COPB2: variants seen among roughly 807,000 people sequenced by gnomAD.
The protein encoded by COPB2 is coatomer subunit beta'.
Under a neutral mutation model 120.8 loss-of-function variants are expected in COPB2, and 16 were observed. The observed-to-expected ratio is 0.13, with a 90% CI of 0.09 to 0.20. The LOEUF is 0.20. Ranked by LOEUF, COPB2 falls within the 10% of genes least tolerant of loss-of-function variation. The pLI is 1.00. For missense variants in COPB2, 794 were observed against 1,076.5 expected, an observed-to-expected ratio of 0.74 and a Z score of 3.67; for synonymous variants, 332 against 366.3, an observed-to-expected ratio of 0.91 and a Z score of 1.07.
At chr3:139,358,049 T>G in intron 21 of COPB2, 91 bp from the exon 22 acceptor site, 1 of 1,033,554 alleles carries the variant, frequency 9.7e-7, no homozygotes, top group Non-Finnish European at 1.4e-6. Flanking sequence ...AGAACTAAGA[T>G]TTTCTTAATA....
intron 15 of COPB2, among the ~76,000 whole-genome samples, chr3:139,363,607 A>G (rs1941465665): frequency 6.6e-6 from 1 of 152,156 alleles, no homozygotes. Flanking sequence ...TGATGGGGTC[A>G]TTTTTAGCTC....
chr3:139,368,039 C>T, intron 13 of COPB2, 106 bp downstream of exon 13: 1 of 1,251,586 alleles, frequency 8.0e-7, no homozygotes, highest in Non-Finnish European at 1.1e-6. Flanking sequence ...ATGCTGTCTC[C>T]CTACACCTAA....
At chr3:139,367,395 C>G (rs61585282) in intron 13 of COPB2, among the ~76,000 whole-genome samples, 58 of 151,420 alleles carry the variant, frequency 3.8e-4, no homozygotes, top group African/African-American at 1.3e-3. Context: ...TCAAGTGATT[C>G]TCCTGCCTCA....
Position 139,361,208 on chromosome 3 carries a change from C to G in COPB2, c.2083G>C (p.Asp695His). The change falls in exon 17 of 22, where the codon GAT (aspartate) becomes CAT (histidine). Residue 695 changes from aspartate to histidine, a missense_variant. Asp to His is a moderately conservative substitution (Grantham distance 81, BLOSUM62 -1). Coordinates refer to ENST00000333188, the MANE Select transcript of COPB2 (RefSeq NM_004766.3). ...LAQECLHHAQ[D>H]YGGLLLLATA... ...GCCAAAAGCAGCAGGCCCCCATAAT[C>G]CTGTGCATGATGCAGGCACTCCTGG... is the stretch of plus-strand genomic sequence containing the variant. The G allele has an allele frequency of 5.0e-6, 8 of 1,614,224 alleles. No homozygotes were observed. Among genetic ancestry groups the G allele is most frequent in the Non-Finnish European group, 6.8e-6 (8 of 1,180,046 alleles).
chr3:139,358,007 GA>G (rs1191912324), intron 21 of COPB2, 49 bp from the exon 22 acceptor site: 1 of 1,183,132 alleles, frequency 8.5e-7, no homozygotes, highest in Non-Finnish European at 1.2e-6. Context: ...ACTGTTAAAG[GA>G]AAGTTATCCG....
intron 1 of COPB2, among the ~76,000 whole-genome samples, chr3:139,388,770 G>A (rs1351834304): frequency 2.0e-5 from 3 of 148,322 alleles, no homozygotes; most frequent in Non-Finnish European, 4.5e-5. Context: ...GGACTACAGG[G>A]GCCCGCCACC....
chr3:139,366,037 G>A (rs1941508874), intron 15 of COPB2, among the ~76,000 whole-genome samples: 1 of 152,024 alleles, frequency 6.6e-6, no homozygotes, highest in Admixed American at 6.6e-5. Context: ...TGAAGAAACT[G>A]CTATACCTCA....
intron 1 of COPB2, chr3:139,388,357 A>G (rs958429506): frequency 4.7e-5 from 7 of 150,080 alleles, no homozygotes; most frequent in African/African-American, 1.7e-4. Flanking sequence ...GAAGCGTTCC[A>G]TATTTTTTAT....
At chr3:139,359,662 A>T (rs184493777) in intron 17 of COPB2, among the ~76,000 whole-genome samples, 1 of 152,322 alleles carries the variant, frequency 6.6e-6, no homozygotes, top group East Asian at 1.9e-4. Flanking sequence ...TTAAAGGCAT[A>T]AGGATATATG....
intron 1 of COPB2, among the ~76,000 whole-genome samples, chr3:139,386,361 A>G (rs1941921574): frequency 6.6e-6 from 1 of 151,574 alleles, no homozygotes; most frequent in South Asian, 2.1e-4. Context: ...GGTTCAAGGG[A>G]TTCTGCCTCA....
At chr3:139,368,105 A>G (rs1479739615) in intron 13 of COPB2, 40 bp downstream of exon 13, 2 of 1,589,998 alleles carry the variant, frequency 1.3e-6, no homozygotes, top group South Asian at 2.3e-5. Flanking sequence ...AAATCATTTA[A>G]AAACAAAGCT....
intron 9 of COPB2, 147 bp from the exon 10 acceptor site, chr3:139,371,980 T>C (rs1392936553): frequency 1.5e-5 from 9 of 608,798 alleles, no homozygotes; most frequent in Admixed American, 3.5e-5. Flanking sequence ...TTAAAAGTTA[T>C]ACATTTCTTT....
At chr3:139,364,912 G>A (rs1359084015) in intron 15 of COPB2, among the ~76,000 whole-genome samples, 1 of 152,112 alleles carries the variant, frequency 6.6e-6, no homozygotes, top group Non-Finnish European at 1.5e-5. Context: ...TAAAAGGAAC[G>A]TGAAGGAAGC....
intron 2 of COPB2, 91 bp downstream of exon 2, chr3:139,383,207 T>C (rs746654813): frequency 5.5e-6 from 8 of 1,448,252 alleles, no homozygotes; most frequent in Non-Finnish European, 7.7e-6. Flanking sequence ...GCATATAGAT[T>C]CTGGATTCTG....
chr3:139,373,190 G>A (rs1560017667), intron 9 of COPB2, 23 bp downstream of exon 9: 1 of 1,611,516 alleles, frequency 6.2e-7, no homozygotes, highest in Non-Finnish European at 8.5e-7. Context: ...AGAAGCTGAG[G>A]GACAATTTTG....
Position 139,358,781 on chromosome 3 carries a change from C to T in COPB2, c.2516G>A (p.Gly839Glu). 6.2e-7 allele frequency: 1 copy of T among 1,613,170 alleles called. No homozygotes were observed. The highest frequency in any genetic ancestry group is 8.5e-7 in the Non-Finnish European group (1 of 1,179,300). Residue 839 changes from glycine to glutamate, a missense_variant, in exon 20 of 22, where the codon GGA becomes GAA. Coordinates refer to ENST00000333188, the MANE Select transcript of COPB2 (RefSeq NM_004766.3). ...AGATCTTGAGGGCTGAAAGTCTTTT[C>T]CCTCTTCCATGACATTTCTCTCTTC... ...PNEERNVMEE[G>E]KDFQPSRSTA...
In COPB2 at chr3:139,374,124, GAT is replaced by G. The variant is rs1941674832; in HGVS notation, c.752-318_752-317del. ...CTTCTCACTATAATTTTATGAAGCA[GAT>G]ATATATGTTTCCATTTCATAATTTG... is the stretch of plus-strand genomic sequence containing the variant. On this transcript the variant is annotated intron_variant, in intron 7 of 21. Coordinates refer to ENST00000333188, the MANE Select transcript of COPB2 (RefSeq NM_004766.3). The G allele has an allele frequency of 1.2e-5, 5 of 428,528 alleles. No homozygotes were observed. The South Asian group carries it at 1.6e-4, about 14-fold the overall frequency. The allele number at this position is 428,528 out of a possible 1,614,324, so 26.5% of individuals were successfully genotyped here.
In COPB2 at chr3:139,378,209, C is replaced by G; in HGVS notation, c.356-20G>C. ...TGTCATCTAGGCCAAAAGAAAGTCTCAAGTTAGTTGTAATTCTATTTTTTC... is the reference window on the plus strand; with the variant it reads ...TGTCATCTAGGCCAAAAGAAAGTCTGAAGTTAGTTGTAATTCTATTTTTTC... On this transcript the variant is annotated intron_variant, in intron 4 of 21. Transcript: ENST00000333188. 6.6e-7 allele frequency: 1 copy of G among 1,517,900 alleles called. No individual in the cohort carries two copies. Among genetic ancestry groups the G allele is most frequent in the Non-Finnish European group, 9.0e-7 (1 of 1,113,684 alleles). The allele number at this position is 1,517,900 out of a possible 1,614,324, so 94.0% of individuals were successfully genotyped here.
chr3:139,360,389 A>G (rs569608744), intron 17 of COPB2, among the ~76,000 whole-genome samples: 1 of 151,960 alleles, frequency 6.6e-6, no homozygotes, highest in Admixed American at 6.6e-5. Context: ...GTGGTGGCGC[A>G]TGCCTGTAAT....
Sources: gnomAD v4.1 joint callset for allele counts (sites outside exome capture counted in the v4.1 genomes callset) on GRCh38, gnomAD v4.1.1 for gene constraint, MANE v1.5 for transcripts, NCBI Gene and HGNC (gene_info 2026-07-23, HGNC 2026-07-21) for gene names.